Variants in NTN1 observed in about 807,000 individuals in gnomAD.
The protein encoded by NTN1 is netrin-1.
Under a neutral mutation model 54.2 loss-of-function variants are expected in NTN1, and 11 were observed. The ratio of observed to expected loss-of-function variants is 0.20; its 90% CI spans 0.13 to 0.34. NTN1 has a LOEUF of 0.34. Ranked by LOEUF, NTN1 falls within the 10% of genes least tolerant of loss-of-function variation. NTN1 has a pLI of 1.00. For missense variants in NTN1, 740 were observed against 893.1 expected (o/e 0.83, Z 2.18); for synonymous variants, 371 against 382.0 (o/e 0.97, Z 0.33).
At chr17:9,170,637 A>G (rs1018199036) in intron 3 of NTN1, among the ~76,000 whole-genome samples, 4 of 152,198 alleles carry the variant, frequency 2.6e-5, no homozygotes, top group Non-Finnish European at 5.9e-5. Flanking sequence ...GTGGAGACCC[A>G]GCACAGAGAG....
In NTN1 at chr17:9,162,902, A is replaced by T. The variant is rs1414280704; in HGVS notation, c.1108A>T (p.Asn370Tyr). 6.2e-7 allele frequency: 1 copy of T among 1,613,846 alleles called. No homozygotes were observed. The highest frequency in any genetic ancestry group is 1.1e-5 in the South Asian group (1 of 91,038). The change falls in exon 3 of 7, where the codon AAC becomes TAC. Residue 370 changes from asparagine (N) to tyrosine (Y), a missense_variant. Asn to Tyr is a moderately radical substitution (Grantham distance 143). Coordinates refer to ENST00000173229, the MANE Select transcript of NTN1 (RefSeq NM_004822.3). ...SGRKSGGVCLNCRHNTAGRHC... is the reference protein window; with the variant it reads ...SGRKSGGVCLYCRHNTAGRHC... ...GCGCAAGAGCGGAGGTGTCTGCCTCAACTGTCGCCACAACACCGCCGGCCG... is the reference window on the plus strand; with the variant it reads ...GCGCAAGAGCGGAGGTGTCTGCCTCTACTGTCGCCACAACACCGCCGGCCG...
Position 9,022,869 on chromosome 17 carries a change from GA to G in NTN1, c.497del (p.Asp166AlafsTer264). 1 of 1,612,196 alleles carries G rather than the reference GA, an allele frequency of 6.2e-7. No homozygotes were observed. The highest frequency in any genetic ancestry group is 8.5e-7 in the Non-Finnish European group (1 of 1,179,892). On this transcript the variant is annotated frameshift_variant, in exon 2 of 7. Coordinates refer to ENST00000173229, the MANE Select transcript of NTN1 (RefSeq NM_004822.3). LOFTEE classifies it high-confidence loss of function. Reference protein sequence around the residue: ...PESMAIYKSMDYGRTWVPFQF... With the variant: ...PESMAIYKSMXYGRTWVPFQF... ...GTCCATGGCCATCTACAAGTCCATG[GA>G]CTACGGGCGCACGTGGGTGCCCTTC...
At position 9,243,896 on chromosome 17, in the gene NTN1, G is replaced by GGT. The variant is rs1555581551; in HGVS notation, c.*3928_*3929insGT. 7 of 138,748 alleles carry GGT rather than the reference G, an allele frequency of 5.0e-5. No homozygotes were observed. The highest frequency in any genetic ancestry group is 1.9e-4 in the African/African-American group (7 of 36,646). The allele number at this position is 138,748 out of a possible 1,614,324, so 8.6% of individuals were successfully genotyped here. On this transcript the variant is annotated 3_prime_UTR_variant, in exon 7 of 7. Transcript: ENST00000173229. ...TTTCTTTCCTTTTTTTTGGGGGGGG[G>GGT]TGGGGGGTTGGTTAGAGTTGTAATG...
At chr17:9,229,438 G>A (rs561641201) in intron 6 of NTN1, among the ~76,000 whole-genome samples, 3 of 152,118 alleles carry the variant, frequency 2.0e-5, no homozygotes, top group African/African-American at 7.2e-5. Context: ...ATAGGACGCT[G>A]AGACTCAACA....
intron 5 of NTN1, among the ~76,000 whole-genome samples, chr17:9,204,928 A>ATTTTTTTTTTTTTTTT (rs148063994): frequency 6.9e-6 from 1 of 145,526 alleles, no homozygotes. Context: ...GTCAACCCTC[A>ATTTTTTTTTTTTTTTT]TTTTTTTTTT....
chr17:9,195,767 A>G (rs1597531914), intron 5 of NTN1, among the ~76,000 whole-genome samples: 1 of 152,114 alleles, frequency 6.6e-6, no homozygotes, highest in African/African-American at 2.4e-5. Context: ...CAGAATCTTC[A>G]CAGCCACTGA....
chr17:9,131,838 C>T (rs941421107), intron 2 of NTN1, among the ~76,000 whole-genome samples: 11 of 152,042 alleles, frequency 7.2e-5, no homozygotes, highest in African/African-American at 1.9e-4. Context: ...GAGTCTTGCT[C>T]TGTTGCCCAG....
In NTN1 at chr17:9,165,686, G is replaced by T. The variant is rs1052523493; in HGVS notation, c.1207+2685G>T. On this transcript the variant is annotated intron_variant, in intron 3 of 6. Coordinates refer to ENST00000173229, the MANE Select transcript of NTN1 (RefSeq NM_004822.3). The surrounding 1 kb of genome is among the most constrained non-coding windows in gnomAD (Gnocchi z 4.5). Reference sequence around the variant, plus strand: ...GCCTGTTGACTGGGGAGGAATGACAGTGTTTCAAGGAAACTGCCATCAGAT... The same window carrying T: ...GCCTGTTGACTGGGGAGGAATGACATTGTTTCAAGGAAACTGCCATCAGAT... 6.6e-6 allele frequency among the ~76,000 whole-genome samples: 1 copy of T among 152,220 alleles called. No individual in the cohort carries two copies. Among genetic ancestry groups the T allele is most frequent in the Non-Finnish European group, 1.5e-5 (1 of 68,036 alleles).
intron 2 of NTN1, among the ~76,000 whole-genome samples, chr17:9,060,320 C>G (rs1238725639): frequency 6.6e-6 from 1 of 151,978 alleles, no homozygotes; most frequent in African/African-American, 2.4e-5. Flanking sequence ...TTTCTTTTTT[C>G]TAACATGTTT....
chr17:9,169,542 A>G (rs920441549), intron 3 of NTN1, among the ~76,000 whole-genome samples: 6 of 152,004 alleles, frequency 3.9e-5, no homozygotes, highest in Non-Finnish European at 8.8e-5. Flanking sequence ...TCTCAGGACC[A>G]CTCTTGTCCC....
chr17:9,143,133 G>A (rs1194441337), intron 2 of NTN1, among the ~76,000 whole-genome samples: 3 of 152,214 alleles, frequency 2.0e-5, no homozygotes, highest in African/African-American at 7.2e-5. Flanking sequence ...GTATCCATCT[G>A]CCCTGTGTGG....
intron 2 of NTN1, among the ~76,000 whole-genome samples, chr17:9,118,085 C>T (rs2092220175): frequency 1.3e-5 from 2 of 152,348 alleles, no homozygotes; most frequent in South Asian, 4.1e-4. Flanking sequence ...GCTACTGACT[C>T]CCTCTGTGCC....
intron 3 of NTN1, among the ~76,000 whole-genome samples, chr17:9,167,144 G>A (rs1385111045): frequency 1.3e-5 from 2 of 152,144 alleles, no homozygotes; most frequent in Admixed American, 1.3e-4. Context: ...GCACTGGGAC[G>A]GCCTCGTTAT....
chr17:9,175,933 A>T (rs372982038), intron 3 of NTN1: 9 of 152,296 alleles, frequency 5.9e-5, no homozygotes, highest in African/African-American at 2.2e-4. Flanking sequence ...GTGACCTGCC[A>T]TGGAAGGGAT....
intron 2 of NTN1, among the ~76,000 whole-genome samples, chr17:9,058,443 G>A (rs1411645109): frequency 2.0e-5 from 3 of 151,944 alleles, no homozygotes. Context: ...GCCGTGTAGG[G>A]AATTATGTAC....
In NTN1 at chr17:9,076,437, A is replaced by G. The variant is rs140186655; in HGVS notation, c.1018+53046A>G. Among the ~76,000 whole-genome samples the G allele has an allele frequency of 7.8e-3, 1,193 of 152,244 alleles. 16 individuals carry two copies. Among genetic ancestry groups the G allele is most frequent in the African/African-American group, 0.027 (1,141 of 41,522 alleles). On this transcript the variant is annotated intron_variant, in intron 2 of 6. Transcript: ENST00000173229. ...ATCCAGGCTGGAGTGCAGTGGTGCA[A>G]TCATAGCTCACTACAGCTGTGAGCT...
chr17:9,115,924 C>T (rs2092210611), intron 2 of NTN1, among the ~76,000 whole-genome samples: 1 of 152,248 alleles, frequency 6.6e-6, no homozygotes, highest in South Asian at 2.1e-4. Context: ...GGAGAATTTT[C>T]CTCCCATAAA....
At chr17:9,229,385 TCTC>T (rs1171993725) in intron 6 of NTN1, among the ~76,000 whole-genome samples, 1 of 147,350 alleles carries the variant, frequency 6.8e-6, no homozygotes, top group Admixed American at 6.9e-5. Flanking sequence ...CCTTATTTAA[TCTC>T]CACACACACC....
chr17:9,117,666 C>G (rs1689400961), intron 2 of NTN1, among the ~76,000 whole-genome samples: 1 of 151,476 alleles, frequency 6.6e-6, no homozygotes, highest in African/African-American at 2.4e-5. Context: ...ATCACTTGAA[C>G]TCGGGAGGCG....
Sources: allele counts gnomAD v4.1 joint callset (sites outside exome capture counted in the v4.1 genomes callset), GRCh38; gene constraint gnomAD v4.1.1; non-coding constraint Gnocchi (gnomAD v3.1); transcripts MANE v1.5; gene names NCBI Gene and HGNC (gene_info 2026-07-23, HGNC 2026-07-21).